The following EPN1 variants were observed in gnomAD, a reference collection of about 807,000 sequenced individuals.
EPN1 encodes the protein epsin-1.
A neutral mutation model predicts 56.9 loss-of-function variants in EPN1; 25 were observed. The observed-to-expected ratio is 0.44, with a 90% CI of 0.32 to 0.61. The LOEUF is 0.61. EPN1 is among the 20% of genes least tolerant of loss of function. The pLI, the probability that EPN1 is intolerant of heterozygous loss-of-function variation, is 0.05. For missense variants in EPN1, 785 were observed against 823.7 expected (o/e 0.95, Z 0.58); for synonymous variants, 411 against 361.8 (o/e 1.14, Z -1.54).
chr19:55,684,653 C>A (rs1347438371), intron 2 of EPN1, among the ~76,000 whole-genome samples: 1 of 152,194 alleles, frequency 6.6e-6, no homozygotes, highest in Non-Finnish European at 1.5e-5. Context: ...GATCTCTTCC[C>A]TTCTTGCAGA....
At position 55,702,508 on chromosome 19, in the gene EPN1, C is replaced by CAG. The variant is rs1987191460; in HGVS notation, c.*7153_*7154dup. 6.6e-6 allele frequency: 1 copy of CAG among 152,180 alleles called. No individual in the cohort carries two copies. The highest frequency in any genetic ancestry group is 1.5e-5 in the Non-Finnish European group (1 of 68,046). 9.4% of individuals were successfully genotyped at this position (152,180 alleles called of 1,614,324 possible). ...CTATGTATGTGGCTTGGTGATTACCCAGGAACCTCCCAAGTCTGTGCCCGA... is the reference window on the plus strand; with the variant it reads ...CTATGTATGTGGCTTGGTGATTACCCAGAGGAACCTCCCAAGTCTGTGCCCGA... On this transcript the variant is annotated 3_prime_UTR_variant, in exon 11 of 11. Transcript: ENST00000270460.
chr19:55,698,758 T>TTTTTTTC lies in EPN1; in HGVS notation c.*3402_*3403insTTTTTTC, dbSNP rs1568585113. The TTTTTTTC allele has an allele frequency of 3.3e-5, 5 of 149,568 alleles. No individual in the cohort carries two copies. The highest frequency in any genetic ancestry group is 1.2e-4 in the African/African-American group (5 of 40,982). The allele number at this position is 149,568 out of a possible 1,614,324, so 9.3% of individuals were successfully genotyped here. A position where few individuals can be genotyped will look rare whatever the true frequency, so the allele number is the denominator to read the frequency against. ...GAATAGGAAGAAATGCCCTTTTTTT[T>TTTTTTTC]CCCCCCTAGAAGGAGTCTTGCTCTG... On this transcript the variant is annotated 3_prime_UTR_variant, in exon 11 of 11. Coordinates refer to ENST00000270460, the MANE Select transcript of EPN1 (RefSeq NM_001130072.2).
intron 1 of EPN1, chr19:55,677,126 G>A (rs1388298290): frequency 5.8e-6 from 9 of 1,550,878 alleles, no homozygotes; most frequent in Non-Finnish European, 7.0e-6. Flanking sequence ...TTACATCATG[G>A]CGGGGCTTTG....
rs1987536342 is a variant in EPN1, at chr19:55,708,487, G to C, written c.*13131G>C. ...AAGAAAATTGATCAAATCGAAATCT[G>C]GACAAACTAGAAAGTCTGGATGCTA... On this transcript the variant is annotated 3_prime_UTR_variant, in exon 11 of 11. Transcript: ENST00000270460. 1.3e-5 allele frequency: 2 copies of C among 153,594 alleles called. No homozygotes were observed. The highest frequency in any genetic ancestry group is 2.9e-5 in the Non-Finnish European group (2 of 69,086). The allele number at this position is 153,594 out of a possible 1,614,324, so 9.5% of individuals were successfully genotyped here. A position where few individuals can be genotyped will look rare whatever the true frequency, so the allele number is the denominator to read the frequency against.
chr19:55,686,252 A>T (rs1179603430), intron 3 of EPN1, among the ~76,000 whole-genome samples: 2 of 152,176 alleles, frequency 1.3e-5, no homozygotes, highest in Non-Finnish European at 2.9e-5. Context: ...CAGTTATGTG[A>T]TGGGTGTGTG....
In EPN1 at chr19:55,694,580, C is replaced by T. The variant is rs1986793590; in HGVS notation, c.1265-146C>T. 2 of 1,028,656 alleles carry T rather than the reference C, an allele frequency of 1.9e-6. No individual in the cohort carries two copies. Among genetic ancestry groups the T allele is most frequent in the African/African-American group, 1.6e-5 (1 of 61,912 alleles). 63.7% of individuals were successfully genotyped at this position (1,028,656 alleles called of 1,614,324 possible). On this transcript the variant is annotated intron_variant, in intron 9 of 10. Transcript: ENST00000270460. This position sits in a 1 kb window ranked among gnomAD's most constrained non-coding sequence, Gnocchi z 4.2. ...GAGGTTTTGGCCTGGGCAAGCGATGCTTCCGCTCTGCACCTCAGTTCCTCC... is the reference window on the plus strand; with the variant it reads ...GAGGTTTTGGCCTGGGCAAGCGATGTTTCCGCTCTGCACCTCAGTTCCTCC...
rs1987346763 is a variant in EPN1 at position 55,705,493 on chromosome 19, A to G, written c.*10137A>G. 6.6e-6 allele frequency: 1 copy of G among 152,144 alleles called. No homozygotes were observed. The highest frequency in any genetic ancestry group is 2.1e-4 in the South Asian group (1 of 4,814). 9.4% of individuals were successfully genotyped at this position (152,144 alleles called of 1,614,324 possible). ...CAAAATCACCATCTCTACTAAAAAT[A>G]CAAAAATTAGTCATGCATAGTGGCA... On this transcript the variant is annotated 3_prime_UTR_variant, in exon 11 of 11. Transcript: ENST00000270460.
Position 55,695,363 on chromosome 19 carries a change from G to A in EPN1, c.*7G>A. 7.0e-7 allele frequency: 1 copy of A among 1,437,100 alleles called. No individual in the cohort carries two copies. The highest frequency in any genetic ancestry group is 2.5e-5 in the East Asian group (1 of 40,302). 89.0% of individuals were successfully genotyped at this position (1,437,100 alleles called of 1,614,324 possible). A position where few individuals can be genotyped will look rare whatever the true frequency, so the allele number is the denominator to read the frequency against. ...TAATCCCTTCCTCCTATAATCCAGG[G>A]CGGAAGGGGGCCTGGCTCCATCCGG... On this transcript the variant is annotated 3_prime_UTR_variant, in exon 11 of 11. Coordinates refer to ENST00000270460, the MANE Select transcript of EPN1 (RefSeq NM_001130072.2). The surrounding 1 kb of genome is among the most constrained non-coding windows in gnomAD (Gnocchi z 4.4).
At chr19:55,682,170 A>G (rs753685112) in intron 2 of EPN1, among the ~76,000 whole-genome samples, 1 of 152,224 alleles carries the variant, frequency 6.6e-6, no homozygotes. Context: ...TAAGCACATC[A>G]TGAATGTATA....
intron 3 of EPN1, 102 bp from the exon 4 acceptor site, chr19:55,688,768 G>C (rs946014608): frequency 2.7e-6 from 4 of 1,499,394 alleles, no homozygotes; most frequent in Non-Finnish European, 3.6e-6. Flanking sequence ...GGGGACTTGG[G>C]GGGTGGGGTT....
chr19:55,695,578 T>G lies in EPN1; in HGVS notation c.*222T>G. On this transcript the variant is annotated 3_prime_UTR_variant, in exon 11 of 11. Coordinates refer to ENST00000270460, the MANE Select transcript of EPN1 (RefSeq NM_001130072.2). This position sits in a 1 kb window ranked among gnomAD's most constrained non-coding sequence, Gnocchi z 4.4. ...GGAGCTGGCCAGAGGAGGACCCCTT[T>G]CCCGTGGCATTAGAAGGGGGAGGGG... 1 of 527,910 alleles carries G rather than the reference T, an allele frequency of 1.9e-6. No individual in the cohort carries two copies. Among genetic ancestry groups the G allele is most frequent in the East Asian group, 3.1e-5 (1 of 32,066 alleles). The allele number at this position is 527,910 out of a possible 1,614,324, so 32.7% of individuals were successfully genotyped here.
At position 55,677,095 on chromosome 19, in the gene EPN1, T is replaced by G. The variant is rs921942335; in HGVS notation, c.-101-1432T>G. 3 of 1,540,576 alleles carry G rather than the reference T, an allele frequency of 1.9e-6. No individual in the cohort carries two copies. In the African/African-American group the frequency reaches 4.1e-5, roughly 21 times the overall value. ...GGAAGCAGAGGCCAGCCTCTCTCCGTCATCCCTATCTCCCCTGGGCTTACA... is the reference window on the plus strand; with the variant it reads ...GGAAGCAGAGGCCAGCCTCTCTCCGGCATCCCTATCTCCCCTGGGCTTACA... On this transcript the variant is annotated intron_variant, in intron 1 of 10. Coordinates refer to ENST00000270460, the MANE Select transcript of EPN1 (RefSeq NM_001130072.2).
chr19:55,690,908 G>A (rs927406395), intron 6 of EPN1, among the ~76,000 whole-genome samples: 3 of 152,182 alleles, frequency 2.0e-5, no homozygotes, highest in African/African-American at 4.8e-5. Context: ...CCAGTGACCC[G>A]AGTAAGGGCT....
At chr19:55,693,127 C>T (rs1041167321) in intron 9 of EPN1, 90 bp downstream of exon 9, 1 of 1,295,684 alleles carries the variant, frequency 7.7e-7, no homozygotes, top group Non-Finnish European at 1.1e-6. Context: ...TGTCCCACTC[C>T]AGGCAGGGCC....
At chr19:55,683,892 G>T (rs1295335029) in intron 2 of EPN1, among the ~76,000 whole-genome samples, 4 of 152,184 alleles carry the variant, frequency 2.6e-5, no homozygotes, top group Non-Finnish European at 4.4e-5. Flanking sequence ...CCACAGTAGT[G>T]TGGCTGTTGG....
chr19:55,679,723 TTAC>T (rs1316080402), intron 2 of EPN1, among the ~76,000 whole-genome samples: 1 of 152,198 alleles, frequency 6.6e-6, no homozygotes, highest in African/African-American at 2.4e-5. Context: ...GTTGCAGCAC[TTAC>T]ACATGGGAGC....
In EPN1 at chr19:55,678,610, C is replaced by A. The variant is rs763635820; in HGVS notation, c.-18C>A. The A allele has an allele frequency of 1.3e-6, 2 of 1,595,890 alleles. No homozygotes were observed. The highest frequency in any genetic ancestry group is 1.1e-5 in the South Asian group (1 of 88,878). Reference sequence around the variant, plus strand: ...ACGCATCGGGGCCCTGTGCCCCTTGCTGCTGCAGCCGGGCACCATGTCGAC... The same window carrying A: ...ACGCATCGGGGCCCTGTGCCCCTTGATGCTGCAGCCGGGCACCATGTCGAC... On this transcript the variant is annotated 5_prime_UTR_variant, in exon 2 of 11. In the 5' UTR this introduces an upstream ATG that the reference lacks. Coordinates refer to ENST00000270460, the MANE Select transcript of EPN1 (RefSeq NM_001130072.2).
Position 55,699,295 on chromosome 19 carries a change from C to T in EPN1, c.*3939C>T, listed in dbSNP as rs910613095. 4 of 152,214 alleles carry T rather than the reference C, an allele frequency of 2.6e-5. No homozygotes were observed. Among genetic ancestry groups the T allele is most frequent in the Admixed American group, 6.5e-5 (1 of 15,290 alleles). 9.4% of individuals were successfully genotyped at this position (152,214 alleles called of 1,614,324 possible). A position where few individuals can be genotyped will look rare whatever the true frequency, so the allele number is the denominator to read the frequency against. On this transcript the variant is annotated 3_prime_UTR_variant, in exon 11 of 11. Transcript: ENST00000270460. ...GAGAGTTTCTGTGCCCATTCCCAGGCACCTTCTTGCAGCCGCAGGCATCTC... is the reference window on the plus strand; with the variant it reads ...GAGAGTTTCTGTGCCCATTCCCAGGTACCTTCTTGCAGCCGCAGGCATCTC...
In EPN1 at chr19:55,709,215, G is replaced by A. The variant is rs1471536570; in HGVS notation, c.*13859G>A. ...ATGAATCTTTCCTATAGGATAGGAAGCCTCTGATTTATACCATAAAGTGAA... is the reference window on the plus strand; with the variant it reads ...ATGAATCTTTCCTATAGGATAGGAAACCTCTGATTTATACCATAAAGTGAA... On this transcript the variant is annotated 3_prime_UTR_variant, in exon 11 of 11. Coordinates refer to ENST00000270460, the MANE Select transcript of EPN1 (RefSeq NM_001130072.2). 6.5e-6 allele frequency: 3 copies of A among 460,964 alleles called. No individual in the cohort carries two copies. The highest frequency in any genetic ancestry group is 7.5e-6 in the Non-Finnish European group (2 of 267,180). The allele number at this position is 460,964 out of a possible 1,614,324, so 28.6% of individuals were successfully genotyped here.
Sources: gnomAD v4.1 joint callset for allele counts (sites outside exome capture counted in the v4.1 genomes callset) on GRCh38, gnomAD v4.1.1 for gene constraint, Gnocchi (gnomAD v3.1) non-coding constraint, MANE v1.5 for transcripts, NCBI Gene and HGNC (gene_info 2026-07-23, HGNC 2026-07-21) for gene names.